Variants in FBXO40 observed in about 807,000 individuals in gnomAD.
The protein encoded by FBXO40 is F-box only protein 40.
A neutral mutation model predicts 49.9 loss-of-function variants in FBXO40; 50 were observed. That is an observed-to-expected ratio of 1.00 (90% CI 0.80 to 1.27). The LOEUF (loss-of-function observed/expected upper bound fraction) is 1.27, where lower values mean the gene tolerates loss of function less well. Among genes scored for constraint, FBXO40 ranks in the 50% most tolerant of loss-of-function variants. The pLI, the probability that FBXO40 is intolerant of heterozygous loss-of-function variation, is 0.00. For missense variants in FBXO40, 895 were observed against 870.1 expected (o/e 1.03, Z -0.36); for synonymous variants, 340 against 320.2 (o/e 1.06, Z -0.66).
At chr3:121,599,745 C>T (rs1229069689) in intron 1 of FBXO40, among the ~76,000 whole-genome samples, 30 of 128,176 alleles carry the variant, frequency 2.3e-4, no homozygotes, top group South Asian at 4.9e-4. Flanking sequence ...TTTTTGGAGA[C>T]GGAGTCTCAC....
intron 1 of FBXO40, among the ~76,000 whole-genome samples, chr3:121,603,702 T>C (rs2048912791): frequency 1.3e-5 from 2 of 152,178 alleles, no homozygotes; most frequent in South Asian, 4.1e-4. Context: ...CATAGTTCTT[T>C]TTTATTTTAT....
intron 1 of FBXO40, among the ~76,000 whole-genome samples, chr3:121,611,433 G>A (rs147869371): frequency 0.016 from 2,448 of 152,038 alleles, 24 homozygotes; most frequent in East Asian, 0.029. Context: ...TGTGCACGTA[G>A]GCCAGATTTA....
intron 1 of FBXO40, among the ~76,000 whole-genome samples, chr3:121,608,424 C>T (rs2108846762): frequency 6.6e-6 from 1 of 152,280 alleles, no homozygotes; most frequent in Middle Eastern, 3.4e-3. Flanking sequence ...ATCTGTAAAC[C>T]ATTCTGTCTC....
chr3:121,609,161 G>A (rs1161052027), intron 1 of FBXO40, among the ~76,000 whole-genome samples: 2 of 151,796 alleles, frequency 1.3e-5, no homozygotes, highest in Non-Finnish European at 2.9e-5. Context: ...GGTACCAGAG[G>A]TTAAGATGCA....
At position 121,621,977 on chromosome 3, in the gene FBXO40, A is replaced by G. The variant is rs949854189; in HGVS notation, c.548A>G (p.His183Arg). ...GGAGTGGATATCGGTTTGGTACCAC[A>G]TGGTCTGTCAGCAACTAATGGGGAG... ...VGGVDIGLVPHGLSATNGEMA... is the reference protein window; with the variant it reads ...VGGVDIGLVPRGLSATNGEMA... The change falls in exon 3 of 4, where the codon CAT becomes CGT. Residue 183 changes from histidine (H) to arginine (R), a missense_variant. His to Arg is a conservative substitution (Grantham distance 29). Transcript: ENST00000338040. 3 of 1,614,222 alleles carry G rather than the reference A, an allele frequency of 1.9e-6. No individual in the cohort carries two copies. Among genetic ancestry groups the G allele is most frequent in the Non-Finnish European group, 2.5e-6 (3 of 1,180,030 alleles).
chr3:121,612,345 G>A (rs887314006), intron 1 of FBXO40, among the ~76,000 whole-genome samples: 4 of 152,160 alleles, frequency 2.6e-5, no homozygotes, highest in Admixed American at 2.0e-4. Context: ...ATGTAAGACA[G>A]GGCTTGAAGG....
At chr3:121,611,438 G>A (rs2048964960) in intron 1 of FBXO40, among the ~76,000 whole-genome samples, 2 of 152,354 alleles carry the variant, frequency 1.3e-5, no homozygotes, top group South Asian at 4.1e-4. Context: ...ACGTAGGCCA[G>A]ATTTATGTTT....
At chr3:121,615,001 C>T (rs1199974210) in intron 1 of FBXO40, among the ~76,000 whole-genome samples, 2 of 152,094 alleles carry the variant, frequency 1.3e-5, no homozygotes, top group African/African-American at 2.4e-5. Context: ...TGGTGGATCA[C>T]GAGGTCAGGA....
At chr3:121,614,482 A>G (rs1351345190) in intron 1 of FBXO40, among the ~76,000 whole-genome samples, 1 of 152,000 alleles carries the variant, frequency 6.6e-6, no homozygotes, top group Non-Finnish European at 1.5e-5. Flanking sequence ...TGTTTGGGCC[A>G]TCCTTCCCGT....
Position 121,629,844 on chromosome 3 carries a change from G to A in FBXO40, c.*2934G>A, listed in dbSNP as rs1026727387. 8 of 152,322 alleles carry A rather than the reference G, an allele frequency of 5.3e-5. No individual in the cohort carries two copies. Among genetic ancestry groups the A allele is most frequent in the Non-Finnish European group, 7.3e-5 (5 of 68,088 alleles). The allele number at this position is 152,322 out of a possible 1,614,324, so 9.4% of individuals were successfully genotyped here. A position where few individuals can be genotyped will look rare whatever the true frequency, so the allele number is the denominator to read the frequency against. On this transcript the variant is annotated 3_prime_UTR_variant, in exon 4 of 4. Coordinates refer to ENST00000338040, the MANE Select transcript of FBXO40 (RefSeq NM_016298.4). ...AGCTGGAGTGAACAGCATGAACAGC[G>A]AGTGTTACCTGACAGAGGCAAGACA...
At chr3:121,594,688 G>A (rs11715640) in intron 1 of FBXO40, among the ~76,000 whole-genome samples, 54,409 of 151,528 alleles carry the variant, frequency 0.36, 10,249 homozygotes, top group East Asian at 0.64. Context: ...CCTTTTTTTC[G>A]CCAACAATAT....
At chr3:121,619,012 TTG>T (rs1428541191) in intron 1 of FBXO40, among the ~76,000 whole-genome samples, 1 of 151,860 alleles carries the variant, frequency 6.6e-6, no homozygotes, top group African/African-American at 2.4e-5. Context: ...TTGTTTGTTT[TTG>T]AGACAGGGTC....
intron 1 of FBXO40, among the ~76,000 whole-genome samples, chr3:121,615,701 C>T (rs937968052): frequency 2.0e-5 from 3 of 152,170 alleles, no homozygotes; most frequent in African/African-American, 4.8e-5. Context: ...AATCTTTTAA[C>T]CTCAGCTTGC....
chr3:121,605,911 A>C (rs935181039), intron 1 of FBXO40, among the ~76,000 whole-genome samples: 1 of 152,210 alleles, frequency 6.6e-6, no homozygotes, highest in African/African-American at 2.4e-5. Context: ...TAGCTCACAA[A>C]TCCAGCAAGA....
At chr3:121,603,134 C>A (rs1409465993) in intron 1 of FBXO40, among the ~76,000 whole-genome samples, 1 of 152,156 alleles carries the variant, frequency 6.6e-6, no homozygotes, top group East Asian at 1.9e-4. Context: ...TTTATAAGGG[C>A]ACTAATTCTA....
rs185195606 is a variant in FBXO40 at position 121,609,240 on chromosome 3, T to A, written c.-30-11306T>A. On this transcript the variant is annotated intron_variant, in intron 1 of 3. Transcript: ENST00000338040. ...AAACAAATAGTAAATAATAAAAAAA[T>A]TTATAAAAAAGATATATTCAAAATA... Among the ~76,000 whole-genome samples, 255 of 151,966 alleles carry A rather than the reference T, an allele frequency of 1.7e-3. 2 individuals carry two copies. The highest frequency in any genetic ancestry group is 5.7e-3 in the African/African-American group (237 of 41,426).
chr3:121,599,106 T>C (rs2048887396), intron 1 of FBXO40, among the ~76,000 whole-genome samples: 1 of 152,126 alleles, frequency 6.6e-6, no homozygotes, highest in South Asian at 2.1e-4. Flanking sequence ...TGACCATATA[T>C]TTAACTGTAG....
At position 121,621,510 on chromosome 3, in the gene FBXO40, G is replaced by A. The variant is rs2049029431; in HGVS notation, c.81G>A (p.Val27=). Residue 27 remains valine, a synonymous_variant, in exon 3 of 4, where the codon GTG becomes GTA. Transcript: ENST00000338040. ...TCAACCGCCACTGCCACATTCCTGT[G>A]GAACCCAACACCTCCTGCCTGGTAA... ...GCFNRHCHIP[V]EPNTSCLVIS... The A allele has an allele frequency of 6.2e-7, 1 of 1,614,094 alleles. No individual in the cohort carries two copies.
intron 1 of FBXO40, among the ~76,000 whole-genome samples, chr3:121,615,255 A>G (rs1194101399): frequency 6.7e-6 from 1 of 149,888 alleles, no homozygotes; most frequent in Non-Finnish European, 1.5e-5. Context: ...TCTGTTACAG[A>G]CTAGGGCGTC....
Sources: allele counts gnomAD v4.1 joint callset (sites outside exome capture counted in the v4.1 genomes callset), GRCh38; gene constraint gnomAD v4.1.1; transcripts MANE v1.5; gene names NCBI Gene and HGNC (gene_info 2026-07-23, HGNC 2026-07-21).